The following ABAT variants were observed in gnomAD, a reference collection of about 807,000 sequenced individuals.
ABAT encodes 4-aminobutyrate aminotransferase, mitochondrial.
A neutral mutation model predicts 64.6 loss-of-function variants in ABAT; 45 were observed. That is an observed-to-expected ratio of 0.70 (90% confidence interval 0.55 to 0.89). ABAT has a LOEUF of 0.89. Among genes scored for constraint, ABAT ranks in the 40% least tolerant of loss-of-function variants. The pLI, the probability that ABAT is intolerant of heterozygous loss-of-function variation, is 0.00. For synonymous variants in ABAT, 297 were observed against 250.5 expected, an observed-to-expected ratio of 1.19 and a Z score of -1.75; for missense variants, 633 against 658.4, an observed-to-expected ratio of 0.96 and a Z score of 0.42.
chr16:8,702,671 T>C (rs1273382), intron 1 of ABAT, among the ~76,000 whole-genome samples: 40,968 of 151,928 alleles, frequency 0.27, 6,736 homozygotes, highest in African/African-American at 0.46. Context: ...CCCACCAGGC[T>C]CCTCGTCCAA....
Position 8,746,083 on chromosome 16 carries a change from A to C in ABAT, c.153A>C (p.Pro51=), listed in dbSNP as rs1368430890. The change falls in exon 3 of 16, where the codon CCA becomes CCC. Residue 51 remains proline (P), a synonymous_variant. Coordinates refer to ENST00000268251, the MANE Select transcript of ABAT (RefSeq NM_020686.6). ...YDGPLMKTEV[P]GPRSQELMKQ... ...GGCCTCTGATGAAGACGGAAGTCCC[A>C]GGGCCTAGATCTCAGGTGAGTTGAG... is the stretch of plus-strand genomic sequence containing the variant. 17 of 1,613,414 alleles carry C rather than the reference A, an allele frequency of 1.1e-5. No homozygotes were observed. Among genetic ancestry groups the C allele is most frequent in the Non-Finnish European group, 1.4e-5 (16 of 1,179,886 alleles).
intron 12 of ABAT, among the ~76,000 whole-genome samples, chr16:8,774,615 G>T (rs2060212828): frequency 6.6e-6 from 1 of 152,170 alleles, no homozygotes; most frequent in Non-Finnish European, 1.5e-5. Context: ...ACCGCTCTGT[G>T]TTGGTGCAGG....
At chr16:8,732,550 A>G (rs946554010) in intron 1 of ABAT, among the ~76,000 whole-genome samples, 2 of 151,414 alleles carry the variant, frequency 1.3e-5, no homozygotes, top group Non-Finnish European at 2.9e-5. Context: ...AAGGTCACAG[A>G]TCAACAGGAT....
Position 8,776,513 on chromosome 16 carries a change from G to T in ABAT, c.1269+23G>T. 1 of 1,125,472 alleles carries T rather than the reference G, an allele frequency of 8.9e-7. No individual in the cohort carries two copies. The highest frequency in any genetic ancestry group is 1.2e-6 in the Non-Finnish European group (1 of 802,230). The allele number at this position is 1,125,472 out of a possible 1,614,324, so 69.7% of individuals were successfully genotyped here. A position where few individuals can be genotyped will look rare whatever the true frequency, so the allele number is the denominator to read the frequency against. On this transcript the variant is annotated intron_variant, in intron 14 of 15. Transcript: ENST00000268251. The surrounding 1 kb of genome is among the most constrained non-coding windows in gnomAD (Gnocchi z 4.4). ...CAGGTAACACCCCCTCCCCTGCCCC[G>T]CCCCCACCACCCATGGCTCCCCGCA...
At chr16:8,704,587 G>A (rs903589073) in intron 1 of ABAT, among the ~76,000 whole-genome samples, 1 of 151,650 alleles carries the variant, frequency 6.6e-6, no homozygotes, top group African/African-American at 2.4e-5. Flanking sequence ...GAAAACACAT[G>A]TCTTTCCAGC....
At chr16:8,746,323 C>T (rs1012194915) in intron 3 of ABAT, among the ~76,000 whole-genome samples, 5 of 151,866 alleles carry the variant, frequency 3.3e-5, no homozygotes, top group Admixed American at 6.6e-5. Flanking sequence ...GAGGTTGAGG[C>T]GGGCGGATCA....
intron 5 of ABAT, among the ~76,000 whole-genome samples, chr16:8,753,390 T>C (rs1012142932): frequency 8.5e-5 from 13 of 152,208 alleles, no homozygotes; most frequent in Non-Finnish European, 1.9e-4. Flanking sequence ...CCACCGCGCC[T>C]GGCCCTCCCA....
chr16:8,744,410 C>A (rs2059271609), intron 2 of ABAT, among the ~76,000 whole-genome samples: 1 of 151,912 alleles, frequency 6.6e-6, no homozygotes, highest in Non-Finnish European at 1.5e-5. Flanking sequence ...CTTTGTTACC[C>A]AGTCTGAAGT....
intron 2 of ABAT, among the ~76,000 whole-genome samples, chr16:8,741,114 A>G (rs557638580): frequency 6.6e-6 from 1 of 152,378 alleles, no homozygotes; most frequent in African/African-American, 2.4e-5. Context: ...TGAGCCCCAG[A>G]GGGCCAGGCT....
intron 1 of ABAT, among the ~76,000 whole-genome samples, chr16:8,698,809 G>T (rs1317766973): frequency 1.3e-5 from 2 of 152,148 alleles, no homozygotes; most frequent in Admixed American, 1.3e-4. Flanking sequence ...AACCAGGCTT[G>T]GTGGCACACA....
At chr16:8,703,353 G>A (rs1026475477) in intron 1 of ABAT, among the ~76,000 whole-genome samples, 2 of 152,096 alleles carry the variant, frequency 1.3e-5, no homozygotes, top group Non-Finnish European at 2.9e-5. Flanking sequence ...CTACTCGGGA[G>A]GCTGAGGCAG....
intron 1 of ABAT, chr16:8,714,772 C>A (rs1380494814): frequency 1.3e-5 from 2 of 152,470 alleles, no homozygotes. Context: ...GCACTGGGCA[C>A]CCTGGCGGAG....
intron 2 of ABAT, among the ~76,000 whole-genome samples, chr16:8,740,213 A>G (rs1548863): frequency 0.99 from 151,310 of 152,246 alleles, 75,194 homozygotes; most frequent in Middle Eastern, 1. Context: ...CACTGTATTG[A>G]TTATCTGCCG....
intron 1 of ABAT, among the ~76,000 whole-genome samples, chr16:8,732,771 G>A (rs935413054): frequency 3.3e-5 from 5 of 150,550 alleles, no homozygotes; most frequent in African/African-American, 1.2e-4. Context: ...CCGGGCAGAG[G>A]GGCTCCTCAC....
At chr16:8,687,191 C>G (rs2057474286) in intron 1 of ABAT, among the ~76,000 whole-genome samples, 1 of 152,132 alleles carries the variant, frequency 6.6e-6, no homozygotes, top group Non-Finnish European at 1.5e-5. Flanking sequence ...AGCACTTGGC[C>G]GCCTGCCCTC....
At chr16:8,711,987 C>G (rs1279470048) in intron 1 of ABAT, among the ~76,000 whole-genome samples, 1 of 122,250 alleles carries the variant, frequency 8.2e-6, no homozygotes, top group Non-Finnish European at 1.8e-5. Context: ...TGCCTGTAAT[C>G]CTAGCACTTT....
At chr16:8,779,706 G>A in intron 15 of ABAT, 116 bp downstream of exon 15, 1 of 797,218 alleles carries the variant, frequency 1.3e-6, no homozygotes, top group Non-Finnish European at 2.1e-6. Flanking sequence ...TGGTACACAG[G>A]TCTGAAAAGA....
At chr16:8,706,729 T>A (rs1189267234) in intron 1 of ABAT, among the ~76,000 whole-genome samples, 2 of 152,048 alleles carry the variant, frequency 1.3e-5, no homozygotes, top group Non-Finnish European at 2.9e-5. Flanking sequence ...AAGATACTCA[T>A]GCAAATAAAT....
chr16:8,738,616 G>GTTTTTTTTTTT lies in ABAT; in HGVS notation c.70+2812_70+2813insTTTTTTTTTTT, dbSNP rs772511380. ...TTTTTTCTTTTTTGTTTTTGTTTTT[G>GTTTTTTTTTTT]TTTTTGTTTTTGTTTTTTTTTTGGT... On this transcript the variant is annotated intron_variant, in intron 2 of 15. Transcript: ENST00000268251. Among the ~76,000 whole-genome samples, 121 of 117,598 alleles carry GTTTTTTTTTTT rather than the reference G, an allele frequency of 1.0e-3. 16 individuals carry two copies. The highest frequency in any genetic ancestry group is 2.5e-3 in the African/African-American group (65 of 26,230). 77.1% of individuals were successfully genotyped at this position (117,598 alleles called of 152,430 possible). A position where few individuals can be genotyped will look rare whatever the true frequency, so the allele number is the denominator to read the frequency against.
Sources: allele counts gnomAD v4.1 joint callset (sites outside exome capture counted in the v4.1 genomes callset), GRCh38; gene constraint gnomAD v4.1.1; non-coding constraint Gnocchi (gnomAD v3.1); transcripts MANE v1.5; gene names NCBI Gene and HGNC (gene_info 2026-07-23, HGNC 2026-07-21).